Variants in PPP6R3 observed in about 807,000 individuals in gnomAD.
The protein encoded by PPP6R3 is serine/threonine-protein phosphatase 6 regulatory subunit 3.
In PPP6R3, 38 loss-of-function variants were observed where a neutral mutation model predicts 110.7. The observed-to-expected ratio is 0.34, with a 90% CI of 0.26 to 0.45. The LOEUF (loss-of-function observed/expected upper bound fraction) is 0.45, where lower values mean the gene tolerates loss of function less well. Ranked by LOEUF, PPP6R3 falls within the 20% of genes least tolerant of loss-of-function variation. PPP6R3 has a pLI of 1.00. For synonymous variants in PPP6R3, 369 were observed against 373.5 expected, an observed-to-expected ratio of 0.99 and a Z score of 0.14; for missense variants, 870 against 1,062.4, an observed-to-expected ratio of 0.82 and a Z score of 2.52.
rs144332360 is a variant in PPP6R3, at chr11:68,592,627, G to C, written c.1916+921G>C. Reference sequence around the variant, plus strand: ...GTTGATAAGGGAGTTGAATAAGGCTGTTAGACCGGGCATCTTTTATTTATT... The same window carrying C: ...GTTGATAAGGGAGTTGAATAAGGCTCTTAGACCGGGCATCTTTTATTTATT... On this transcript the variant is annotated intron_variant, in intron 18 of 23. Transcript: ENST00000393800. 1.6e-4 allele frequency among the ~76,000 whole-genome samples: 25 copies of C among 152,264 alleles called. No homozygotes were observed. In the East Asian group the frequency reaches 4.0e-3, roughly 25 times the overall value.
At chr11:68,537,502 C>T (rs941622724) in intron 2 of PPP6R3, among the ~76,000 whole-genome samples, 157 bp from the exon 3 acceptor site, 4 of 152,052 alleles carry the variant, frequency 2.6e-5, no homozygotes, top group Non-Finnish European at 5.9e-5. Flanking sequence ...CTGCCAGTAA[C>T]GCATTAAAAA....
intron 1 of PPP6R3, among the ~76,000 whole-genome samples, chr11:68,461,138 G>A (rs1180143435): frequency 1.3e-5 from 2 of 150,694 alleles, no homozygotes; most frequent in Non-Finnish European, 3.0e-5. Context: ...GGCGGGCGAG[G>A]CGCGCCCCTG....
Position 68,569,803 on chromosome 11 carries a change from G to A in PPP6R3, c.1184G>A (p.Cys395Tyr). 1 of 1,609,902 alleles carries A rather than the reference G, an allele frequency of 6.2e-7. No homozygotes were observed. Among genetic ancestry groups the A allele is most frequent in the Non-Finnish European group, 8.5e-7 (1 of 1,176,954 alleles). Residue 395 changes from cysteine (C) to tyrosine (Y), a missense_variant, in exon 11 of 24, where the codon TGT becomes TAT. Physicochemically the swap from Cys to Tyr is radical, Grantham distance 194. Coordinates refer to ENST00000393800, the MANE Select transcript of PPP6R3 (RefSeq NM_001164161.2). ...NNFLHTQVEI[C>Y]IALILASPFE... is the part of the protein sequence containing the mutation. ...TTTTTGCATACACAAGTGGAAATTTGTATTGCACTGATTCTTGCAAGTCCT... is the reference window on the plus strand; with the variant it reads ...TTTTTGCATACACAAGTGGAAATTTATATTGCACTGATTCTTGCAAGTCCT...
chr11:68,545,644 A>T (rs1227331583), intron 4 of PPP6R3, among the ~76,000 whole-genome samples: 1 of 152,200 alleles, frequency 6.6e-6, no homozygotes, highest in Non-Finnish European at 1.5e-5. Context: ...ATTACCTGAG[A>T]ATTTGTTAGA....
chr11:68,564,625 T>C (rs7109294), intron 9 of PPP6R3, among the ~76,000 whole-genome samples, 193 bp downstream of exon 9: 35,019 of 152,202 alleles, frequency 0.23, 4,283 homozygotes, highest in Middle Eastern at 0.32. Context: ...TATTCATCAG[T>C]TTAGGAAGTT....
At chr11:68,531,088 T>C (rs916548426) in intron 2 of PPP6R3, among the ~76,000 whole-genome samples, 1 of 152,236 alleles carries the variant, frequency 6.6e-6, no homozygotes, top group Non-Finnish European at 1.5e-5. Flanking sequence ...AACACAGTAC[T>C]GTTTGCACTA....
At chr11:68,461,788 G>A (rs1286030238) in intron 1 of PPP6R3, among the ~76,000 whole-genome samples, 1 of 152,124 alleles carries the variant, frequency 6.6e-6, no homozygotes, top group Non-Finnish European at 1.5e-5. Flanking sequence ...CATCCTCGCA[G>A]CACTTGTTGA....
chr11:68,574,385 C>T (rs2099522256), intron 13 of PPP6R3, among the ~76,000 whole-genome samples, 161 bp downstream of exon 13: 1 of 152,184 alleles, frequency 6.6e-6, no homozygotes, highest in Admixed American at 6.5e-5. Context: ...TGTGTTTGAA[C>T]AGTGTTGTTT....
chr11:68,505,943 A>G (rs556101797), intron 1 of PPP6R3, among the ~76,000 whole-genome samples: 402 of 152,294 alleles, frequency 2.6e-3, no homozygotes, highest in Non-Finnish European at 4.0e-3. Flanking sequence ...AGCTTGGGAT[A>G]GTGCTACAAC....
chr11:68,571,368 CT>C, intron 12 of PPP6R3, among the ~76,000 whole-genome samples: 1 of 152,096 alleles, frequency 6.6e-6, no homozygotes. Context: ...CTTCCTGGTC[CT>C]TTTTGAATGG....
chr11:68,584,228 C>T (rs2099571160), intron 15 of PPP6R3, among the ~76,000 whole-genome samples: 1 of 152,210 alleles, frequency 6.6e-6, no homozygotes, highest in Non-Finnish European at 1.5e-5. Context: ...TCACAGCTTC[C>T]TGCCTTGGCT....
intron 1 of PPP6R3, among the ~76,000 whole-genome samples, chr11:68,516,149 G>A (rs912091250): frequency 4.6e-5 from 7 of 152,136 alleles, no homozygotes; most frequent in African/African-American, 1.7e-4. Context: ...CTACATTGTA[G>A]CGTATATCAG....
chr11:68,605,433 T>G (rs1244107797), intron 22 of PPP6R3, among the ~76,000 whole-genome samples: 1 of 152,198 alleles, frequency 6.6e-6, no homozygotes, highest in Non-Finnish European at 1.5e-5. Flanking sequence ...CCATTATAAT[T>G]CAATGAGGAA....
At chr11:68,497,437 C>T (rs907493370) in intron 1 of PPP6R3, among the ~76,000 whole-genome samples, 1 of 151,998 alleles carries the variant, frequency 6.6e-6, no homozygotes, top group Admixed American at 6.6e-5. Context: ...ACTGCAGCCT[C>T]GACTTCGTGG....
At chr11:68,531,450 A>G (rs1196660435) in intron 2 of PPP6R3, among the ~76,000 whole-genome samples, 2 of 151,948 alleles carry the variant, frequency 1.3e-5, no homozygotes, top group East Asian at 3.9e-4. Context: ...TGATTCTCCC[A>G]CCTCAGCCTC....
chr11:68,477,741 A>AAAAATATATATATAT, intron 1 of PPP6R3, among the ~76,000 whole-genome samples: 34 of 57,896 alleles, frequency 5.9e-4, no homozygotes, highest in South Asian at 1.2e-3. Flanking sequence ...AAAAAAAAAA[A>AAAAATATATATATAT]ATATATATAT....
intron 3 of PPP6R3, among the ~76,000 whole-genome samples, chr11:68,538,857 T>G (rs987902929): frequency 6.6e-5 from 10 of 152,210 alleles, no homozygotes; most frequent in Admixed American, 6.5e-4. Flanking sequence ...CGGTGGCTCA[T>G]GCCTGTAATC....
intron 1 of PPP6R3, among the ~76,000 whole-genome samples, chr11:68,475,329 A>G (rs1484562492): frequency 6.6e-6 from 1 of 152,242 alleles, no homozygotes; most frequent in Non-Finnish European, 1.5e-5. Flanking sequence ...ACACAGAGAC[A>G]GCAACAATCT....
At chr11:68,593,053 C>A (rs970790591) in intron 18 of PPP6R3, among the ~76,000 whole-genome samples, 2 of 152,156 alleles carry the variant, frequency 1.3e-5, no homozygotes, top group African/African-American at 4.8e-5. Context: ...TTGACGTAAA[C>A]TGCATTTATT....
Sources: allele counts gnomAD v4.1 joint callset (sites outside exome capture counted in the v4.1 genomes callset), GRCh38; gene constraint gnomAD v4.1.1; transcripts MANE v1.5; gene names NCBI Gene and HGNC (gene_info 2026-07-23, HGNC 2026-07-21).